Variants in KCNK10 observed in about 807,000 individuals in gnomAD.
KCNK10 encodes potassium two pore domain channel subfamily K member 10, also known as potassium channel subfamily K member 10.
In KCNK10, 25 loss-of-function variants were observed where a neutral mutation model predicts 47.7. That is an observed-to-expected ratio of 0.52 (90% CI 0.38 to 0.73). The LOEUF is 0.73. KCNK10 is among the 30% of genes least tolerant of loss of function. KCNK10 has a pLI of 0.00. For missense variants in KCNK10, 563 were observed against 714.5 expected, an observed-to-expected ratio of 0.79 and a Z score of 2.42; for synonymous variants, 303 against 285.6, an observed-to-expected ratio of 1.06 and a Z score of -0.61.
intron 1 of KCNK10, among the ~76,000 whole-genome samples, chr14:88,302,274 G>A (rs1888117093): frequency 6.6e-6 from 1 of 152,130 alleles, no homozygotes; most frequent in African/African-American, 2.4e-5. Flanking sequence ...TGATACAGAG[G>A]GACTGCTGAG....
chr14:88,271,625 A>G (rs1887407723), intron 1 of KCNK10, among the ~76,000 whole-genome samples: 1 of 152,178 alleles, frequency 6.6e-6, no homozygotes, highest in South Asian at 2.1e-4. Context: ...TGAGATTTTA[A>G]AAATTCTATT....
At chr14:88,280,007 T>A (rs1302461397) in intron 1 of KCNK10, among the ~76,000 whole-genome samples, 1 of 152,212 alleles carries the variant, frequency 6.6e-6, no homozygotes, top group African/African-American at 2.4e-5. Flanking sequence ...TCCCCAGCCA[T>A]GCGGAACTGT....
intron 3 of KCNK10, among the ~76,000 whole-genome samples, chr14:88,229,692 G>A (rs115400505): frequency 1.7e-3 from 266 of 152,268 alleles, no homozygotes; most frequent in African/African-American, 6.1e-3. Context: ...TGTATCTCAT[G>A]CATGGGCGTG....
chr14:88,240,355 T>C (rs1283781908), intron 3 of KCNK10, among the ~76,000 whole-genome samples: 6 of 152,200 alleles, frequency 3.9e-5, no homozygotes, highest in Non-Finnish European at 7.3e-5. Flanking sequence ...ATAAAAAATT[T>C]TGTAGAATAT....
intron 1 of KCNK10, among the ~76,000 whole-genome samples, chr14:88,317,467 T>C (rs1355768417): frequency 6.6e-6 from 1 of 152,182 alleles, no homozygotes; most frequent in Non-Finnish European, 1.5e-5. Flanking sequence ...AACTAAAGAT[T>C]CACTGATCAA....
intron 2 of KCNK10, among the ~76,000 whole-genome samples, chr14:88,242,452 CA>C (rs1886506709): frequency 6.6e-6 from 1 of 152,152 alleles, no homozygotes; most frequent in South Asian, 2.1e-4. Context: ...CTAGATTTGG[CA>C]GACTCATAGA....
chr14:88,228,548 C>T (rs1190525325), intron 3 of KCNK10, among the ~76,000 whole-genome samples: 4 of 152,150 alleles, frequency 2.6e-5, no homozygotes, highest in African/African-American at 9.7e-5. Flanking sequence ...TAACCATTCT[C>T]CCAAATCTGG....
At chr14:88,315,952 C>T (rs1381405754) in intron 1 of KCNK10, among the ~76,000 whole-genome samples, 3 of 152,106 alleles carry the variant, frequency 2.0e-5, no homozygotes. Flanking sequence ...GATCACCTGG[C>T]TTATGTATGG....
chr14:88,194,975 A>G (rs1395365160), intron 4 of KCNK10, among the ~76,000 whole-genome samples: 1 of 152,050 alleles, frequency 6.6e-6, no homozygotes, highest in Non-Finnish European at 1.5e-5. Context: ...GTAAGGTTTT[A>G]GCAATATCTG....
chr14:88,281,071 A>G (rs1446600417), intron 1 of KCNK10, among the ~76,000 whole-genome samples: 1 of 152,116 alleles, frequency 6.6e-6, no homozygotes, highest in Admixed American at 6.5e-5. Context: ...AAGGTCTGAC[A>G]GTAAAGCCTC....
At chr14:88,217,989 C>A (rs1230722134) in intron 4 of KCNK10, among the ~76,000 whole-genome samples, 1 of 151,998 alleles carries the variant, frequency 6.6e-6, no homozygotes, top group Non-Finnish European at 1.5e-5. Flanking sequence ...TCCCAAAGTG[C>A]TGGGATTACA....
At chr14:88,321,940 G>A (rs889423434) in intron 1 of KCNK10, among the ~76,000 whole-genome samples, 4 of 152,166 alleles carry the variant, frequency 2.6e-5, no homozygotes, top group African/African-American at 7.2e-5. Context: ...CTCCCTTGGA[G>A]CCTTAACATC....
At chr14:88,210,159 T>C (rs1320158803) in intron 4 of KCNK10, among the ~76,000 whole-genome samples, 2 of 152,186 alleles carry the variant, frequency 1.3e-5, no homozygotes, top group East Asian at 3.9e-4. Context: ...CCTCATTTTT[T>C]CAAATAAGAA....
In KCNK10 at chr14:88,200,039, CTCTT is replaced by C. The variant is rs201013586; in HGVS notation, c.682-7633_682-7630del. Among the ~76,000 whole-genome samples, 350 of 141,976 alleles carry C rather than the reference CTCTT, an allele frequency of 2.5e-3. 1 individual carries two copies. The highest frequency in any genetic ancestry group is 9.2e-3 in the African/African-American group (318 of 34,692). 93.1% of individuals were successfully genotyped at this position (141,976 alleles called of 152,430 possible). ...TTCTCTTCTTTCCTTCTTTCTTTCT[CTCTT>C]TCTTTCTTCTTCTTTTCTTTCTTTC... On this transcript the variant is annotated intron_variant, in intron 4 of 6. Transcript: ENST00000319231.
intron 3 of KCNK10, among the ~76,000 whole-genome samples, chr14:88,239,491 C>T (rs1186870184): frequency 1.3e-5 from 2 of 152,168 alleles, no homozygotes; most frequent in African/African-American, 4.8e-5. Context: ...GATATCATCA[C>T]CCGTTATAGG....
At chr14:88,254,340 C>G (rs1886886169) in intron 2 of KCNK10, among the ~76,000 whole-genome samples, 1 of 150,434 alleles carries the variant, frequency 6.6e-6, no homozygotes, top group Admixed American at 6.6e-5. Flanking sequence ...AATGAAAAAT[C>G]CCATGTCCTT....
chr14:88,294,698 G>C (rs1331404961), intron 1 of KCNK10, among the ~76,000 whole-genome samples: 1 of 152,180 alleles, frequency 6.6e-6, no homozygotes, highest in Non-Finnish European at 1.5e-5. Flanking sequence ...ATTCTGGCTG[G>C]TCTTTAAAAT....
chr14:88,215,339 C>G (rs1283558027), intron 4 of KCNK10, among the ~76,000 whole-genome samples: 2 of 152,114 alleles, frequency 1.3e-5, no homozygotes, highest in African/African-American at 2.4e-5. Flanking sequence ...CACAGGATGG[C>G]AGGAGAGAGA....
At chr14:88,316,349 C>A (rs1294691247) in intron 1 of KCNK10, among the ~76,000 whole-genome samples, 5 of 152,144 alleles carry the variant, frequency 3.3e-5, no homozygotes, top group African/African-American at 1.2e-4. Context: ...ACTGTGGCTG[C>A]AAATGACAAA....
Sources: allele counts gnomAD v4.1 joint callset (sites outside exome capture counted in the v4.1 genomes callset), GRCh38; gene constraint gnomAD v4.1.1; transcripts MANE v1.5; gene names NCBI Gene and HGNC (gene_info 2026-07-23, HGNC 2026-07-21).